Variants in KIAA1549 observed in about 807,000 individuals in gnomAD.
KIAA1549 encodes KIAA1549, also known as UPF0606 protein KIAA1549.
A neutral mutation model predicts 156.4 loss-of-function variants in KIAA1549; 70 were observed. The ratio of observed to expected loss-of-function variants is 0.45; its 90% CI spans 0.37 to 0.55. The LOEUF (loss-of-function observed/expected upper bound fraction) is 0.55, where lower values mean the gene tolerates loss of function less well. KIAA1549 is among the 20% of genes least tolerant of loss of function. The pLI is 0.00. For synonymous variants in KIAA1549, 1,103 were observed against 1,066.4 expected, an observed-to-expected ratio of 1.03 and a Z score of -0.67; for missense variants, 2,428 against 2,540.9, an observed-to-expected ratio of 0.96 and a Z score of 0.96.
intron 1 of KIAA1549, among the ~76,000 whole-genome samples, chr7:138,961,113 C>T (rs111407537): frequency 2.4e-4 from 37 of 152,188 alleles, no homozygotes; most frequent in African/African-American, 8.7e-4. Context: ...ATGCCCACAA[C>T]CTCTTGCCCA....
intron 1 of KIAA1549, among the ~76,000 whole-genome samples, chr7:138,976,152 T>C (rs1333895227): frequency 6.6e-6 from 1 of 152,124 alleles, no homozygotes; most frequent in African/African-American, 2.4e-5. Context: ...TCTCATTTCA[T>C]TGCAACCTCT....
intron 12 of KIAA1549, among the ~76,000 whole-genome samples, 180 bp downstream of exon 12, chr7:138,879,358 A>G (rs1811176008): frequency 6.6e-6 from 1 of 152,170 alleles, no homozygotes; most frequent in Non-Finnish European, 1.5e-5. Flanking sequence ...CTGGCCCCAA[A>G]GCAGACACCA....
At chr7:138,926,097 C>T (rs958859855) in intron 1 of KIAA1549, among the ~76,000 whole-genome samples, 2 of 152,062 alleles carry the variant, frequency 1.3e-5, no homozygotes, top group Non-Finnish European at 2.9e-5. Flanking sequence ...AGAAACATTA[C>T]TTTTGCTTCT....
chr7:138,837,750 G>C lies in KIAA1549; in HGVS notation c.*156C>G, dbSNP rs928362461. The stretch of plus-strand genomic sequence containing the variant: ...GTGAAAGGCTCATGAGCTGTCACAC[G>C]ACGTATGGCATCTTCTAAATTGCAA... On this transcript the variant is annotated 3_prime_UTR_variant, in exon 20 of 20. Coordinates refer to ENST00000422774, the MANE Select transcript of KIAA1549 (RefSeq NM_001164665.2). 5 of 728,898 alleles carry C rather than the reference G, an allele frequency of 6.9e-6. No homozygotes were observed. Among genetic ancestry groups the C allele is most frequent in the Admixed American group, 3.0e-5 (1 of 33,650 alleles). The allele number at this position is 728,898 out of a possible 1,614,324, so 45.2% of individuals were successfully genotyped here.
chr7:138,878,154 T>A (rs759469268), intron 12 of KIAA1549, among the ~76,000 whole-genome samples: 7 of 152,178 alleles, frequency 4.6e-5, no homozygotes, highest in African/African-American at 1.7e-4. Context: ...TCCTTAACAT[T>A]ACAAAAGAAC....
chr7:138,904,008 T>C (rs1380561289), intron 7 of KIAA1549, among the ~76,000 whole-genome samples: 1 of 152,206 alleles, frequency 6.6e-6, no homozygotes, highest in Non-Finnish European at 1.5e-5. Flanking sequence ...CTCTCAGTGT[T>C]ACCCAGACTG....
At chr7:138,839,778 CTTTTTTTTTTTT>C (rs763327649) in intron 19 of KIAA1549, among the ~76,000 whole-genome samples, 3 of 61,326 alleles carry the variant, frequency 4.9e-5, no homozygotes, top group African/African-American at 6.5e-5. Context: ...GGGATTATGT[CTTTTTTTTTTTT>C]TTTTTTTTTT....
At chr7:138,882,292 C>A (rs1266702015) in intron 10 of KIAA1549, among the ~76,000 whole-genome samples, 1 of 152,148 alleles carries the variant, frequency 6.6e-6, no homozygotes, top group African/African-American at 2.4e-5. Flanking sequence ...GGCAGAAAGA[C>A]CTAGAAGCCA....
At chr7:138,880,011 G>A (rs929326041) in intron 11 of KIAA1549, among the ~76,000 whole-genome samples, 1 of 152,194 alleles carries the variant, frequency 6.6e-6, no homozygotes, top group Non-Finnish European at 1.5e-5. Flanking sequence ...GGATCAAACA[G>A]GACCTGGGGT....
intron 1 of KIAA1549, among the ~76,000 whole-genome samples, chr7:138,954,414 T>C (rs575387804): frequency 6.6e-6 from 1 of 152,222 alleles, no homozygotes; most frequent in South Asian, 2.1e-4. Flanking sequence ...GTACTGGGGT[T>C]AGACTACAGA....
At chr7:138,861,016 C>T (rs1810554608) in intron 16 of KIAA1549, 123 bp downstream of exon 16, 2 of 886,860 alleles carry the variant, frequency 2.3e-6, no homozygotes, top group Non-Finnish European at 3.6e-6. Flanking sequence ...TAAGACCCAT[C>T]ACCCGAGTTT....
chr7:138,908,405 G>A (rs1812069812), intron 5 of KIAA1549, among the ~76,000 whole-genome samples: 2 of 152,146 alleles, frequency 1.3e-5, no homozygotes, highest in South Asian at 4.1e-4. Flanking sequence ...ATAACATAAT[G>A]GACACAGCTA....
At chr7:138,849,640 T>C (rs1810180697) in intron 17 of KIAA1549, among the ~76,000 whole-genome samples, 1 of 152,044 alleles carries the variant, frequency 6.6e-6, no homozygotes, top group South Asian at 2.1e-4. Flanking sequence ...GGGTTTGTGG[T>C]ACAGATTATT....
intron 17 of KIAA1549, among the ~76,000 whole-genome samples, chr7:138,845,147 GA>G (rs945439934): frequency 2.0e-5 from 3 of 151,342 alleles, no homozygotes; most frequent in African/African-American, 7.3e-5. Context: ...AATTAAAATG[GA>G]AAAAAAGTAA....
chr7:138,978,547 C>T (rs1814448100), intron 1 of KIAA1549, among the ~76,000 whole-genome samples: 1 of 151,980 alleles, frequency 6.6e-6, no homozygotes, highest in Non-Finnish European at 1.5e-5. Flanking sequence ...ATCGATTTAA[C>T]ATAGAGATTT....
chr7:138,903,853 G>GCA lies in KIAA1549; in HGVS notation c.3521-118_3521-117insTG, dbSNP rs1563070799. On this transcript the variant is annotated intron_variant, in intron 7 of 19. Transcript: ENST00000422774. ...TGTGTGTGTGTGTGTGTGTGTGTGT[G>GCA]CGCGCGCGCGCGCGCGCACATATGT... 37 of 360,354 alleles carry GCA rather than the reference G, an allele frequency of 1.0e-4. 3 individuals carry two copies. The highest frequency in any genetic ancestry group is 2.5e-4 in the African/African-American group (5 of 19,812). 22.3% of individuals were successfully genotyped at this position (360,354 alleles called of 1,614,324 possible). A position where few individuals can be genotyped will look rare whatever the true frequency, so the allele number is the denominator to read the frequency against.
chr7:138,976,552 ACTGTT>A (rs967337948), intron 1 of KIAA1549, among the ~76,000 whole-genome samples: 17 of 152,102 alleles, frequency 1.1e-4, no homozygotes, highest in African/African-American at 4.1e-4. Flanking sequence ...GACTGTTAGA[ACTGTT>A]CTGTTTTGTT....
intron 1 of KIAA1549, among the ~76,000 whole-genome samples, chr7:138,925,150 C>T (rs1584761249): frequency 1.3e-5 from 2 of 152,310 alleles, no homozygotes. Context: ...CACCACCAGG[C>T]CACACCAATT....
chr7:138,908,266 ATT>A (rs1397069032), intron 5 of KIAA1549, among the ~76,000 whole-genome samples: 49 of 152,298 alleles, frequency 3.2e-4, no homozygotes, highest in Admixed American at 9.8e-4. Flanking sequence ...CAGAAGACGC[ATT>A]TTAACAATTC....
Sources: gnomAD v4.1 joint callset for allele counts (sites outside exome capture counted in the v4.1 genomes callset) on GRCh38, gnomAD v4.1.1 for gene constraint, MANE v1.5 for transcripts, NCBI Gene and HGNC (gene_info 2026-07-23, HGNC 2026-07-21) for gene names.